The following PLXNC1 variants were observed in gnomAD, a reference collection of about 807,000 sequenced individuals.
PLXNC1 encodes plexin-C1.
PLXNC1 carries 75 observed loss-of-function variants against 178.2 expected under a neutral mutation model. That is an observed-to-expected ratio of 0.42 (90% CI 0.35 to 0.51). The LOEUF (loss-of-function observed/expected upper bound fraction) is 0.51. Among genes scored for constraint, PLXNC1 ranks in the 20% least tolerant of loss-of-function variants. The probability of loss-of-function intolerance (pLI) is 0.02; values close to 1 mark genes in which losing one functional copy is unlikely to be tolerated. For missense variants in PLXNC1, 1,503 were observed against 1,984.4 expected (o/e 0.76, Z 4.61); for synonymous variants, 790 against 779.9 (o/e 1.01, Z -0.22).
chr12:94,276,446 G>A, intron 21 of PLXNC1, among the ~76,000 whole-genome samples: 1 of 150,864 alleles, frequency 6.6e-6, no homozygotes, highest in South Asian at 2.1e-4. Context: ...GGAGGGTCAG[G>A]AGGGCTCCTG....
At chr12:94,180,305 T>C (rs1962260058) in intron 2 of PLXNC1, among the ~76,000 whole-genome samples, 1 of 152,240 alleles carries the variant, frequency 6.6e-6, no homozygotes, top group South Asian at 2.1e-4. Flanking sequence ...TTTAAGAACA[T>C]GTTTCATTCA....
chr12:94,198,786 T>G (rs1307656148), intron 4 of PLXNC1, among the ~76,000 whole-genome samples: 1 of 152,210 alleles, frequency 6.6e-6, no homozygotes, highest in African/African-American at 2.4e-5. Context: ...TTCTTCTGTG[T>G]GTCCAAATCT....
chr12:94,203,627 C>T (rs1041085693), intron 4 of PLXNC1, among the ~76,000 whole-genome samples: 1 of 152,142 alleles, frequency 6.6e-6, no homozygotes, highest in African/African-American at 2.4e-5. Flanking sequence ...ATGCCAGTGC[C>T]AGACACCATG....
chr12:94,282,476 C>G lies in PLXNC1; in HGVS notation c.3879+75C>G, dbSNP rs560040396. On this transcript the variant is annotated intron_variant, in intron 23 of 30. Coordinates refer to ENST00000258526, the MANE Select transcript of PLXNC1 (RefSeq NM_005761.3). ...TCCCATGGACATTCTTTTAAAACAT[C>G]CAGGACTCCCACCCATTTCCTGGAA... 1.4e-5 allele frequency: 13 copies of G among 942,540 alleles called. No individual in the cohort carries two copies. The East Asian group carries it at 2.4e-4, about 18-fold the overall frequency. The allele number at this position is 942,540 out of a possible 1,614,324, so 58.4% of individuals were successfully genotyped here.
chr12:94,219,847 A>ATTTATTTATTTATTTG (rs1250757811), intron 5 of PLXNC1, among the ~76,000 whole-genome samples, 169 bp from the exon 6 acceptor site: 1 of 146,142 alleles, frequency 6.8e-6, no homozygotes, highest in Admixed American at 6.8e-5. Context: ...TTATTTATTT[A>ATTTATTTATTTATTTG]TGGAGGCAGT....
intron 1 of PLXNC1, chr12:94,168,387 C>T (rs1399413925): frequency 1.3e-5 from 2 of 152,274 alleles, no homozygotes; most frequent in Non-Finnish European, 2.9e-5. Flanking sequence ...TTTTGGTCGA[C>T]ACTCTCTCTG....
chr12:94,230,029 G>GAC (rs1445092945), intron 9 of PLXNC1, among the ~76,000 whole-genome samples: 1 of 152,162 alleles, frequency 6.6e-6, no homozygotes, highest in Non-Finnish European at 1.5e-5. Context: ...CAGCAGTCAA[G>GAC]ACACAGAACA....
At chr12:94,250,846 C>T (rs1035445710) in intron 14 of PLXNC1, among the ~76,000 whole-genome samples, 2 of 151,858 alleles carry the variant, frequency 1.3e-5, no homozygotes, top group Non-Finnish European at 2.9e-5. Context: ...TAGTGAGACC[C>T]CGTCTCTACA....
At chr12:94,214,169 C>T (rs972896857) in intron 5 of PLXNC1, among the ~76,000 whole-genome samples, 5 of 151,652 alleles carry the variant, frequency 3.3e-5, no homozygotes, top group African/African-American at 7.3e-5. Flanking sequence ...ACTGCAGCCT[C>T]GAACCCCTGG....
chr12:94,279,995 G>T (rs1056351918), intron 22 of PLXNC1: 1 of 398,618 alleles, frequency 2.5e-6, no homozygotes, highest in Admixed American at 3.6e-5. Context: ...TGCCCTCTGC[G>T]TGTGTTGCAT....
chr12:94,214,722 A>G (rs762098912), intron 5 of PLXNC1, among the ~76,000 whole-genome samples: 9 of 152,252 alleles, frequency 5.9e-5, no homozygotes, highest in Non-Finnish European at 1.2e-4. Context: ...CATAAAAACA[A>G]CAGAACTACT....
chr12:94,307,118 C>CAGT lies in PLXNC1; in HGVS notation c.*1834_*1835insGTA, dbSNP rs1311215976. On this transcript the variant is annotated 3_prime_UTR_variant, in exon 31 of 31. Coordinates refer to ENST00000258526, the MANE Select transcript of PLXNC1 (RefSeq NM_005761.3). ...TTATCTAAGTATTTACTAAATGCTA[C>CAGT]ATGAGGGTGTCCCTGTCCAGCTTTC... 1 of 152,226 alleles carries CAGT rather than the reference C, an allele frequency of 6.6e-6. No individual in the cohort carries two copies. The highest frequency in any genetic ancestry group is 1.5e-5 in the Non-Finnish European group (1 of 68,042). 9.4% of individuals were successfully genotyped at this position (152,226 alleles called of 1,614,324 possible). A position where few individuals can be genotyped will look rare whatever the true frequency, so the allele number is the denominator to read the frequency against.
intron 2 of PLXNC1, among the ~76,000 whole-genome samples, chr12:94,174,339 C>T (rs571545914): frequency 6.6e-6 from 1 of 151,918 alleles, no homozygotes; most frequent in African/African-American, 2.4e-5. Flanking sequence ...CCTGTGCCCC[C>T]ACACCTGGCT....
chr12:94,196,156 T>TGA (rs1962905510), intron 4 of PLXNC1, among the ~76,000 whole-genome samples: 1 of 152,140 alleles, frequency 6.6e-6, no homozygotes, highest in Non-Finnish European at 1.5e-5. Context: ...TGTTCTGTCA[T>TGA]CATGAGAGGT....
chr12:94,230,737 T>C (rs12314236), intron 9 of PLXNC1, among the ~76,000 whole-genome samples: 10,419 of 152,266 alleles, frequency 0.068, 473 homozygotes, highest in African/African-American at 0.13. Flanking sequence ...CCAATGTCTT[T>C]GTGATTCTGT....
intron 1 of PLXNC1, among the ~76,000 whole-genome samples, chr12:94,155,743 G>C (rs1032035196): frequency 6.6e-6 from 1 of 152,144 alleles, no homozygotes; most frequent in African/African-American, 2.4e-5. Context: ...CCAGATGTGG[G>C]GGGATGTCTA....
chr12:94,300,794 C>A, intron 27 of PLXNC1, 116 bp from the exon 28 acceptor site: 3 of 823,918 alleles, frequency 3.6e-6, no homozygotes, highest in Non-Finnish European at 5.5e-6. Flanking sequence ...TTTGGCTAAG[C>A]AGAGTTGTAT....
At chr12:94,208,350 AC>A (rs1170027116) in intron 4 of PLXNC1, among the ~76,000 whole-genome samples, 2 of 152,236 alleles carry the variant, frequency 1.3e-5, no homozygotes, top group Non-Finnish European at 2.9e-5. Flanking sequence ...AAACTCACTG[AC>A]TTCCTGTTCT....
chr12:94,181,516 T>C lies in PLXNC1; in HGVS notation c.1274T>C (p.Val425Ala). 6.2e-7 allele frequency: 1 copy of C among 1,604,276 alleles called. No homozygotes were observed. Among genetic ancestry groups the C allele is most frequent in the Non-Finnish European group, 8.5e-7 (1 of 1,171,148 alleles). ...VIYEIKEETP[V>A]FYKLVPDPVK... is the part of the protein sequence containing the mutation. ...TATGAAATTAAAGAAGAGACACCTG[T>C]TTTCTACAAACTCGTTCCTGATCCT... The change falls in exon 3 of 31, where the codon GTT (valine) becomes GCT (alanine). Residue 425 changes from valine (V) to alanine (A), a missense_variant. Coordinates refer to ENST00000258526, the MANE Select transcript of PLXNC1 (RefSeq NM_005761.3).
Sources: allele counts gnomAD v4.1 joint callset (sites outside exome capture counted in the v4.1 genomes callset), GRCh38; gene constraint gnomAD v4.1.1; transcripts MANE v1.5; gene names NCBI Gene and HGNC (gene_info 2026-07-23, HGNC 2026-07-21).